Variants in SEMA4B observed in about 807,000 individuals in gnomAD.
SEMA4B encodes semaphorin-4B.
In SEMA4B, 55 loss-of-function variants were observed where a neutral mutation model predicts 88.1. That is an observed-to-expected ratio of 0.62 (90% CI 0.50 to 0.78). The LOEUF (loss-of-function observed/expected upper bound fraction) is 0.78. Among genes scored for constraint, SEMA4B ranks in the 30% least tolerant of loss-of-function variants. The pLI, the probability that SEMA4B is intolerant of heterozygous loss-of-function variation, is 0.00. For missense variants in SEMA4B, 1,062 were observed against 1,111.9 expected, an observed-to-expected ratio of 0.96 and a Z score of 0.64; for synonymous variants, 525 against 473.6, an observed-to-expected ratio of 1.11 and a Z score of -1.41.
chr15:90,206,596 AG>A, intron 1 of SEMA4B: 1 of 549,800 alleles, frequency 1.8e-6, no homozygotes, highest in East Asian at 3.1e-5. Context: ...TTGCTGCTGG[AG>A]GGGTAATGGA....
intron 1 of SEMA4B, among the ~76,000 whole-genome samples, chr15:90,202,407 G>A (rs1256718071): frequency 6.6e-6 from 1 of 152,244 alleles, no homozygotes; most frequent in African/African-American, 2.4e-5. Context: ...TCCTCAGAGT[G>A]ACCTGGGAGT....
chr15:90,204,408 C>A (rs989807830), intron 1 of SEMA4B, among the ~76,000 whole-genome samples: 1 of 152,144 alleles, frequency 6.6e-6, no homozygotes, highest in Admixed American at 6.5e-5. Flanking sequence ...TCATAGGGAA[C>A]CCTAATTATT....
At position 90,227,547 on chromosome 15, in the gene SEMA4B, T is replaced by G. The variant is rs564731979; in HGVS notation, c.1689-10T>G. 2.2e-5 allele frequency: 35 copies of G among 1,613,632 alleles called. No homozygotes were observed. The South Asian group carries it at 3.4e-4, about 16-fold the overall frequency. ...TCCTGGCCAATCCCAGAATTCTCTC[T>G]GGCCCTCAGGCCGTGGATCCAGGAC... On this transcript the variant is annotated splice_polypyrimidine_tract_variant and intron_variant, in intron 12 of 13. Transcript: ENST00000411539.
At position 90,219,819 on chromosome 15, in the gene SEMA4B, C is replaced by A. The variant is rs1961716575; in HGVS notation, c.411C>A (p.Ile137=). The A allele has an allele frequency of 6.2e-7, 1 of 1,613,552 alleles. No individual in the cohort carries two copies. Among genetic ancestry groups the A allele is most frequent in the Non-Finnish European group, 8.5e-7 (1 of 1,179,770 alleles). The stretch of plus-strand genomic sequence containing the variant: ...GCGACTGTCAAAACTACATCAAGAT[C>A]CTCCTGCCGCTCAGCGGCAGTCACC... ...PQRDCQNYIK[I]LLPLSGSHLF... Residue 137 remains isoleucine, a synonymous_variant, in exon 4 of 14, where the codon ATC becomes ATA. Transcript: ENST00000411539.
chr15:90,224,329 G>A (rs1164160784), intron 9 of SEMA4B, among the ~76,000 whole-genome samples: 1 of 152,214 alleles, frequency 6.6e-6, no homozygotes, highest in Non-Finnish European at 1.5e-5. Flanking sequence ...AAGCTGTGGG[G>A]AAATAATCCT....
At chr15:90,184,959 G>A, upstream of SEMA4B, 3 of 985,946 alleles carry the variant, frequency 3.0e-6, no homozygotes, top group Non-Finnish European at 3.6e-6. Context: ...CTGTGCGCCC[G>A]AGACTCCGGG....
Position 90,225,107 on chromosome 15 carries a change from G to A in SEMA4B, c.1334G>A (p.Arg445His), listed in dbSNP as rs755829742. Residue 445 changes from arginine to histidine, a missense_variant, in exon 10 of 14, where the codon CGC (arginine) becomes CAC (histidine). By Grantham distance (29) the Arg-to-His change is conservative (BLOSUM62 0). Coordinates refer to ENST00000411539, the MANE Select transcript of SEMA4B (RefSeq NM_198925.4). ...SRMLLLQPQA[R>H]YQRVAVHRVP... ...ATGCTGCTGCTGCAGCCCCAGGCTC[G>A]CTACCAGCGCGTGGCTGTACACCGC... 182 of 1,613,512 alleles carry A rather than the reference G, an allele frequency of 1.1e-4. No individual in the cohort carries two copies. Among genetic ancestry groups the A allele is most frequent in the Non-Finnish European group, 1.5e-4 (172 of 1,179,848 alleles).
Position 90,191,081 on chromosome 15 carries a change from C to G in SEMA4B, c.-122+6000C>G, listed in dbSNP as rs143981493. 2.6e-3 allele frequency among the ~76,000 whole-genome samples: 398 copies of G among 152,322 alleles called. 3 individuals carry two copies. The highest frequency in any genetic ancestry group is 9.1e-3 in the African/African-American group (380 of 41,562). ...TGGGGGAGCAGAGGAGTGACAGTGGCAACTTCATGTTCTACCCTGTCAGGG... is the reference window on the plus strand; with the variant it reads ...TGGGGGAGCAGAGGAGTGACAGTGGGAACTTCATGTTCTACCCTGTCAGGG... On this transcript the variant is annotated intron_variant, in intron 1 of 14. Transcript: ENST00000332496.
At chr15:90,198,387 A>G (rs1960585676), upstream of SEMA4B, among the ~76,000 whole-genome samples, 1 of 152,224 alleles carries the variant, frequency 6.6e-6, no homozygotes, top group Non-Finnish European at 1.5e-5. Flanking sequence ...GGCTTGAGAT[A>G]CATTACTTAA....
intron 1 of SEMA4B, among the ~76,000 whole-genome samples, chr15:90,189,421 T>A (rs775294227): frequency 7.2e-5 from 11 of 152,206 alleles, no homozygotes; most frequent in Non-Finnish European, 1.3e-4. Flanking sequence ...AACCTCTCTA[T>A]GCCCCAATTT....
At position 90,228,647 on chromosome 15, in the gene SEMA4B, C is replaced by T. The variant is rs1050184128; in HGVS notation, c.*4C>T. On this transcript the variant is annotated 3_prime_UTR_variant, in exon 14 of 14. Coordinates refer to ENST00000411539, the MANE Select transcript of SEMA4B (RefSeq NM_198925.4). ...GATCCGTGACTCTGTGGTGTGAGAG[C>T]TGACTTCCAGAGGACGCTGCCCTGG... The T allele has an allele frequency of 2.5e-6, 4 of 1,613,100 alleles. No homozygotes were observed. The highest frequency in any genetic ancestry group is 3.4e-6 in the Non-Finnish European group (4 of 1,179,864).
Position 90,225,382 on chromosome 15 carries a change from C to A in SEMA4B, c.1506C>A (p.Leu502=), listed in dbSNP as rs148540973. ...CGGGACAGCCCGTGCAGAATCTGCT[C>A]CTGGACACCCACAGGGTGAGCAGGC... ...FSSGQPVQNL[L]LDTHRGLLYA... is the part of the protein sequence containing the mutation. Residue 502 remains leucine (L), a synonymous_variant, in exon 11 of 14, where the codon CTC becomes CTA. Transcript: ENST00000411539. 3.2e-6 allele frequency: 5 copies of A among 1,551,292 alleles called. No homozygotes were observed. In the African/African-American group the frequency reaches 6.8e-5, roughly 21 times the overall value.
chr15:90,191,667 C>T (rs1019775509), intron 1 of SEMA4B, among the ~76,000 whole-genome samples: 1 of 152,176 alleles, frequency 6.6e-6, no homozygotes, highest in Non-Finnish European at 1.5e-5. Context: ...CTACCACTTC[C>T]AGGAGCAAGA....
chr15:90,220,817 G>A lies in SEMA4B; in HGVS notation c.484-165G>A, dbSNP rs556732281. Reference sequence around the variant, plus strand: ...GTCCAGGTTCAAACCCTTCGGCACCGTGTCCTGGCTGAGGAGGACGGCGTC... The same window carrying A: ...GTCCAGGTTCAAACCCTTCGGCACCATGTCCTGGCTGAGGAGGACGGCGTC... On this transcript the variant is annotated intron_variant, in intron 4 of 13. Transcript: ENST00000411539. Among the ~76,000 whole-genome samples, 10 of 152,220 alleles carry A rather than the reference G, an allele frequency of 6.6e-5. No homozygotes were observed. In the East Asian group the frequency reaches 9.7e-4, roughly 15 times the overall value.
intron 7 of SEMA4B, 84 bp downstream of exon 7, chr15:90,221,849 C>G (rs1961867516): frequency 3.0e-6 from 4 of 1,319,640 alleles, no homozygotes; most frequent in Non-Finnish European, 4.1e-6. Flanking sequence ...CCATGCATGG[C>G]CTTTCCCATC....
At chr15:90,224,728 G>A (rs1567061156) in intron 9 of SEMA4B, among the ~76,000 whole-genome samples, 2 of 152,152 alleles carry the variant, frequency 1.3e-5, no homozygotes. Flanking sequence ...ATGAGGCTGG[G>A]GTGGTGGGCA....
At chr15:90,185,792 T>A (rs1339067739) in intron 1 of SEMA4B, among the ~76,000 whole-genome samples, 1 of 152,034 alleles carries the variant, frequency 6.6e-6, no homozygotes, top group Non-Finnish European at 1.5e-5. Context: ...GATGTAGAAA[T>A]CACCTTGGCC....
At chr15:90,216,267 C>A (rs768287431) in intron 1 of SEMA4B, among the ~76,000 whole-genome samples, 1 of 152,160 alleles carries the variant, frequency 6.6e-6, no homozygotes, top group East Asian at 1.9e-4. Flanking sequence ...CACGCCCAGC[C>A]CATTTCCTCC....
exon 1 of SEMA4B, chr15:90,185,063 T>C (rs1019779879): frequency 2.0e-6 from 2 of 984,992 alleles, no homozygotes; most frequent in East Asian, 1.1e-4. Flanking sequence ...GACCGTGCGC[T>C]GACCCTGACT....
Sources: allele counts gnomAD v4.1 joint callset (sites outside exome capture counted in the v4.1 genomes callset), GRCh38; gene constraint gnomAD v4.1.1; transcripts MANE v1.5; gene names NCBI Gene and HGNC (gene_info 2026-07-23, HGNC 2026-07-21).